The following ZC3H13 variants were observed in gnomAD, a reference collection of about 807,000 sequenced individuals.
The protein encoded by ZC3H13 is zinc finger CCCH-type containing 13, also known as zinc finger CCCH domain-containing protein 13.
In ZC3H13, 64 loss-of-function variants were observed where a neutral mutation model predicts 204.1. The observed-to-expected ratio is 0.31, with a 90% CI of 0.26 to 0.39. The LOEUF (loss-of-function observed/expected upper bound fraction) is 0.39. Ranked by LOEUF, ZC3H13 falls within the 10% of genes least tolerant of loss-of-function variation. The pLI, the probability that ZC3H13 is intolerant of heterozygous loss-of-function variation, is 1.00. For synonymous variants in ZC3H13, 667 were observed against 693.7 expected, an observed-to-expected ratio of 0.96 and a Z score of 0.60; for missense variants, 1,833 against 2,082.7, an observed-to-expected ratio of 0.88 and a Z score of 2.33.
chr13:45,999,819 A>G (rs2040609780), intron 8 of ZC3H13, among the ~76,000 whole-genome samples: 1 of 66,808 alleles, frequency 1.5e-5, no homozygotes, highest in Admixed American at 1.4e-4. Context: ...TATAAAATGT[A>G]TTTTTTAAAT....
At chr13:45,984,992 C>G (rs1593538975) in intron 10 of ZC3H13, among the ~76,000 whole-genome samples, 1 of 152,168 alleles carries the variant, frequency 6.6e-6, no homozygotes, top group Non-Finnish European at 1.5e-5. Context: ...ACCTATTTAA[C>G]AGAAAGCAAC....
chr13:46,037,688 C>G (rs1305458632), intron 4 of ZC3H13, among the ~76,000 whole-genome samples: 1 of 152,004 alleles, frequency 6.6e-6, no homozygotes, highest in Non-Finnish European at 1.5e-5. Flanking sequence ...TTCACATCAC[C>G]TAGACCAGCC....
intron 5 of ZC3H13, among the ~76,000 whole-genome samples, chr13:46,017,265 G>A (rs993080985): frequency 2.6e-5 from 4 of 152,096 alleles, no homozygotes; most frequent in Non-Finnish European, 5.9e-5. Context: ...TACCTAGGAG[G>A]TCCCTGAGAC....
chr13:45,972,014 T>C (rs1952623923), intron 12 of ZC3H13, among the ~76,000 whole-genome samples: 1 of 152,006 alleles, frequency 6.6e-6, no homozygotes, highest in South Asian at 2.1e-4. Flanking sequence ...GATGTTAGCA[T>C]AGACATGGTG....
intron 17 of ZC3H13, chr13:45,962,906 C>G (rs1360880584): frequency 1.0e-6 from 1 of 985,160 alleles, no homozygotes; most frequent in Non-Finnish European, 1.2e-6. Flanking sequence ...CTAGATGAGA[C>G]AGAGACAGTG....
intron 4 of ZC3H13, among the ~76,000 whole-genome samples, chr13:46,026,035 G>A (rs1336555710): frequency 6.6e-6 from 1 of 151,912 alleles, no homozygotes; most frequent in Non-Finnish European, 1.5e-5. Context: ...ATTATTCACA[G>A]ATCTGCAGTT....
intron 9 of ZC3H13, 98 bp downstream of exon 9, chr13:45,988,689 G>A (rs1011470409): frequency 8.9e-6 from 12 of 1,348,556 alleles, no homozygotes; most frequent in Admixed American, 2.4e-5. Context: ...GTGTGTTACA[G>A]AAGACTTAAC....
intron 8 of ZC3H13, among the ~76,000 whole-genome samples, chr13:45,998,732 G>A (rs561788830): frequency 3.9e-5 from 6 of 152,264 alleles, no homozygotes; most frequent in African/African-American, 1.2e-4. Flanking sequence ...AGCCTTCAGA[G>A]AGTTTTAACC....
intron 9 of ZC3H13, among the ~76,000 whole-genome samples, chr13:45,987,609 C>T (rs915740469): frequency 1.3e-5 from 2 of 151,982 alleles, no homozygotes; most frequent in African/African-American, 4.8e-5. Context: ...CATTCTCATC[C>T]GCCATTTTCT....
intron 10 of ZC3H13, among the ~76,000 whole-genome samples, chr13:45,983,794 T>G (rs1953927300): frequency 6.6e-6 from 1 of 152,040 alleles, no homozygotes; most frequent in African/African-American, 2.4e-5. Flanking sequence ...AAATTAATAA[T>G]CAGAAAAGAA....
rs773394096 is a variant in ZC3H13 at position 45,989,037 on chromosome 13, G to A, written c.1005C>T (p.Ser335=). 1.9e-6 allele frequency: 3 copies of A among 1,614,162 alleles called. No individual in the cohort carries two copies. The highest frequency in any genetic ancestry group is 1.7e-6 in the Non-Finnish European group (2 of 1,180,020). Residue 335 remains serine, a synonymous_variant, in exon 9 of 19, where the codon TCC becomes TCT. Transcript: ENST00000679008. ...TTTGAATAGATGATCCTGATTGTGA[G>A]GAAGATGAGTGATGTCTAGAAGATA... The part of the protein sequence containing the change: ...SPISSRHHSS[S]SQSGSSIQRH...
intron 4 of ZC3H13, among the ~76,000 whole-genome samples, chr13:46,023,735 G>C (rs976084249): frequency 6.6e-6 from 1 of 152,114 alleles, no homozygotes; most frequent in Non-Finnish European, 1.5e-5. Context: ...GTAAACTTCA[G>C]GCCTAAGTGA....
chr13:45,976,192 C>T, intron 11 of ZC3H13: 3 of 984,960 alleles, frequency 3.0e-6, no homozygotes, highest in Non-Finnish European at 2.4e-6. Flanking sequence ...CTCTGATCTT[C>T]TCTGTCCCCC....
intron 8 of ZC3H13, 122 bp downstream of exon 8, chr13:46,003,011 AATAAAT>A: frequency 1.4e-6 from 1 of 726,996 alleles, no homozygotes; most frequent in Non-Finnish European, 2.2e-6. Context: ...GAATTATTAA[AATAAAT>A]ATACACACTA....
At chr13:45,983,503 T>C (rs1271627455) in intron 10 of ZC3H13, among the ~76,000 whole-genome samples, 1 of 129,836 alleles carries the variant, frequency 7.7e-6, no homozygotes, top group East Asian at 2.5e-4. Context: ...CCCGGCTCAC[T>C]GCAAGCTCCG....
At chr13:45,998,453 G>A (rs1419270771) in intron 8 of ZC3H13, among the ~76,000 whole-genome samples, 1 of 151,830 alleles carries the variant, frequency 6.6e-6, no homozygotes, top group Non-Finnish European at 1.5e-5. Flanking sequence ...ACACCATCCT[G>A]ACTAACACAG....
At chr13:46,015,157 C>A (rs2041835504) in intron 5 of ZC3H13, among the ~76,000 whole-genome samples, 1 of 152,086 alleles carries the variant, frequency 6.6e-6, no homozygotes, top group Admixed American at 6.5e-5. Flanking sequence ...CCAATGTAAA[C>A]CCCCACTTGA....
chr13:45,960,399 A>G (rs1951596174), intron 17 of ZC3H13, among the ~76,000 whole-genome samples: 1 of 152,206 alleles, frequency 6.6e-6, no homozygotes, highest in African/African-American at 2.4e-5. Context: ...TTATAGCAAG[A>G]TTCAAATGTT....
intron 4 of ZC3H13, among the ~76,000 whole-genome samples, chr13:46,035,789 T>TA (rs966914499): frequency 6.6e-6 from 1 of 152,230 alleles, no homozygotes; most frequent in Non-Finnish European, 1.5e-5. Flanking sequence ...CTGGGGCAGG[T>TA]ACATCTATCC....
Sources: gnomAD v4.1 joint callset for allele counts (sites outside exome capture counted in the v4.1 genomes callset) on GRCh38, gnomAD v4.1.1 for gene constraint, MANE v1.5 for transcripts, NCBI Gene and HGNC (gene_info 2026-07-23, HGNC 2026-07-21) for gene names.